Variants in LY96 observed in about 807,000 individuals in gnomAD.
LY96 encodes the protein lymphocyte antigen 96.
In LY96, 18 loss-of-function variants were observed where a neutral mutation model predicts 18.9. The observed-to-expected ratio is 0.95, with a 90% CI of 0.66 to 1.41. The LOEUF (loss-of-function observed/expected upper bound fraction) is 1.41, where lower values mean the gene tolerates loss of function less well. Ranked by LOEUF, LY96 falls within the 40% of genes most tolerant of loss-of-function variation. The pLI is 0.00. For synonymous variants in LY96, 66 were observed against 62.6 expected (o/e 1.06, Z -0.26); for missense variants, 175 against 182.4 (o/e 0.96, Z 0.23).
At chr8:74,013,909 A>G (rs544408990) in intron 3 of LY96, among the ~76,000 whole-genome samples, 35 of 152,134 alleles carry the variant, frequency 2.3e-4, no homozygotes, top group Non-Finnish European at 2.9e-5. Flanking sequence ...GTGGGCAGGG[A>G]TGACCCACTG....
the LY96 span, among the ~76,000 whole-genome samples, chr8:74,051,845 G>A: frequency 6.6e-6 from 1 of 152,120 alleles, no homozygotes; most frequent in Non-Finnish European, 1.5e-5. Context: ...AATGTTTGTT[G>A]CTTGAGCCGC....
At chr8:74,004,422 G>T (rs1373175462) in intron 1 of LY96, among the ~76,000 whole-genome samples, 1 of 152,148 alleles carries the variant, frequency 6.6e-6, no homozygotes, top group Admixed American at 6.5e-5. Context: ...GGTTGGGGGG[G>T]TCTCTTCCTG....
At chr8:74,039,488 C>T in the LY96 span, among the ~76,000 whole-genome samples, 64 of 152,132 alleles carry the variant, frequency 4.2e-4, no homozygotes, top group African/African-American at 1.5e-3. Context: ...CAGCTGGGCC[C>T]GGGGGACCAC....
the LY96 span, among the ~76,000 whole-genome samples, chr8:74,058,533 T>TC: frequency 6.6e-6 from 1 of 151,872 alleles, no homozygotes; most frequent in African/African-American, 2.4e-5. Flanking sequence ...CTTTTTTTTT[T>TC]TTTTTGGATG....
the LY96 span, among the ~76,000 whole-genome samples, chr8:74,059,699 G>A: frequency 6.6e-6 from 1 of 152,120 alleles, no homozygotes; most frequent in Admixed American, 6.5e-5. Context: ...AATGTGAAAA[G>A]CAAAACTTCA....
At chr8:74,022,320 G>C (rs375305662) in intron 3 of LY96, among the ~76,000 whole-genome samples, 2 of 151,846 alleles carry the variant, frequency 1.3e-5, no homozygotes, top group African/African-American at 2.4e-5. Flanking sequence ...TGAGGCAGGA[G>C]AATCACTTGA....
At chr8:74,060,993 G>A in the LY96 span, among the ~76,000 whole-genome samples, 15 of 152,336 alleles carry the variant, frequency 9.8e-5, no homozygotes, top group East Asian at 2.3e-3. Context: ...GTGTCCTGGA[G>A]AATGGAACCT....
chr8:74,067,744 C>CG, the LY96 span, among the ~76,000 whole-genome samples: 2 of 151,924 alleles, frequency 1.3e-5, no homozygotes, highest in Non-Finnish European at 2.9e-5. Context: ...AAAATATTTG[C>CG]AACCAACATC....
chr8:74,031,372 A>G (rs575437158), downstream of LY96, among the ~76,000 whole-genome samples: 1 of 152,342 alleles, frequency 6.6e-6, no homozygotes, highest in Admixed American at 6.5e-5. Context: ...TCACGCCTGT[A>G]ATCCCAGCAC....
chr8:74,095,651 C>A, the LY96 span, among the ~76,000 whole-genome samples: 2 of 152,344 alleles, frequency 1.3e-5, no homozygotes, highest in East Asian at 3.9e-4. Context: ...CTTCTCTTGA[C>A]TTCCAAGACT....
At chr8:74,078,817 A>C in the LY96 span, among the ~76,000 whole-genome samples, 305 of 152,356 alleles carry the variant, frequency 2.0e-3, 2 homozygotes, top group Non-Finnish European at 3.7e-4. Flanking sequence ...AAATTAAAAA[A>C]ATTAGAGAAC....
At chr8:74,048,090 A>T in the LY96 span, among the ~76,000 whole-genome samples, 1 of 152,060 alleles carries the variant, frequency 6.6e-6, no homozygotes, top group Non-Finnish European at 1.5e-5. Flanking sequence ...GGGTCTGCCT[A>T]TGTTGCTCAG....
chr8:74,001,775 C>G (rs1816274730), intron 1 of LY96, among the ~76,000 whole-genome samples: 1 of 152,040 alleles, frequency 6.6e-6, no homozygotes, highest in Non-Finnish European at 1.5e-5. Flanking sequence ...GAGTTAGAAG[C>G]TGCAATGAGC....
chr8:74,091,155 A>G, the LY96 span, among the ~76,000 whole-genome samples: 1 of 152,128 alleles, frequency 6.6e-6, no homozygotes, highest in African/African-American at 2.4e-5. Context: ...CTACAGTAAT[A>G]TTTAGGAGAC....
chr8:74,066,776 G>A, the LY96 span, among the ~76,000 whole-genome samples: 2 of 152,210 alleles, frequency 1.3e-5, no homozygotes, highest in African/African-American at 2.4e-5. Context: ...CTAGTTAAGC[G>A]AGGATGAAGG....
At chr8:74,004,733 G>C in intron 1 of LY96, 63 bp from the exon 2 acceptor site, 2 of 1,403,708 alleles carry the variant, frequency 1.4e-6, no homozygotes, top group Admixed American at 1.9e-5. Context: ...CTGATATTCA[G>C]AATACTATAC....
chr8:74,006,703 T>C (rs1816419461), intron 2 of LY96, among the ~76,000 whole-genome samples: 1 of 152,224 alleles, frequency 6.6e-6, no homozygotes, highest in South Asian at 2.1e-4. Flanking sequence ...TACAGTTTCT[T>C]CTTTTTTCCT....
the LY96 span, among the ~76,000 whole-genome samples, chr8:74,066,766 CT>C: frequency 6.6e-6 from 1 of 152,114 alleles, no homozygotes; most frequent in Admixed American, 6.6e-5. Flanking sequence ...GGACCAGCAG[CT>C]AGTTAAGCGA....
the LY96 span, among the ~76,000 whole-genome samples, chr8:74,048,321 G>GTGCAA: frequency 6.6e-6 from 1 of 151,888 alleles, no homozygotes; most frequent in Non-Finnish European, 1.5e-5. Flanking sequence ...GAGTACAGTG[G>GTGCAA]TGCAATCTTG....
Sources: allele counts gnomAD v4.1 joint callset (sites outside exome capture counted in the v4.1 genomes callset), GRCh38; gene constraint gnomAD v4.1.1; transcripts MANE v1.5; gene names NCBI Gene and HGNC (gene_info 2026-07-23, HGNC 2026-07-21).